Variants in CHRM3 observed in about 807,000 individuals in gnomAD.
The protein encoded by CHRM3 is cholinergic receptor muscarinic 3.
CHRM3 carries 11 observed loss-of-function variants against 41.8 expected under a neutral mutation model. The observed-to-expected ratio is 0.26, with a 90% CI of 0.17 to 0.44. The LOEUF (loss-of-function observed/expected upper bound fraction) is 0.44. CHRM3 is among the 20% of genes least tolerant of loss of function. The probability of loss-of-function intolerance (pLI) is 1.00; values close to 1 mark genes in which losing one functional copy is unlikely to be tolerated. For missense variants in CHRM3, 571 were observed against 745.4 expected, an observed-to-expected ratio of 0.77 and a Z score of 2.72; for synonymous variants, 297 against 301.4, an observed-to-expected ratio of 0.99 and a Z score of 0.15.
chr1:239,859,827 A>ATATATATATT, intron 6 of CHRM3, among the ~76,000 whole-genome samples: 1 of 39,166 alleles, frequency 2.6e-5, no homozygotes, highest in East Asian at 1.5e-3. Flanking sequence ...TTTTATATAT[A>ATATATATATT]TATATATATA....
chr1:239,468,717 A>G lies in CHRM3; in HGVS notation c.-520-23992A>G, dbSNP rs550541584. On this transcript the variant is annotated intron_variant, in intron 1 of 6. Coordinates refer to ENST00000676153, the MANE Select transcript of CHRM3 (RefSeq NM_001375978.1). ...TTCTCTTCAAATTTAATGTCATAAT[A>G]TGCTTTAAATGATTCATTTGTAATG... Among the ~76,000 whole-genome samples the G allele has an allele frequency of 2.6e-5, 4 of 152,340 alleles. No individual in the cohort carries two copies. The South Asian group carries it at 6.2e-4, about 24-fold the overall frequency.
At chr1:239,648,686 A>G (rs1200406420) in intron 4 of CHRM3, among the ~76,000 whole-genome samples, 1 of 152,178 alleles carries the variant, frequency 6.6e-6, no homozygotes, top group Non-Finnish European at 1.5e-5. Context: ...CAATTGATAG[A>G]TTGTTCACAG....
At chr1:239,902,168 A>C (rs10926011) in intron 6 of CHRM3, among the ~76,000 whole-genome samples, 72,212 of 151,872 alleles carry the variant, frequency 0.48, 17,785 homozygotes, top group African/African-American at 0.6. Context: ...TGTGTTTCTA[A>C]AGTAACAACA....
intron 3 of CHRM3, among the ~76,000 whole-genome samples, chr1:239,593,745 TG>T (rs1316139629): frequency 6.6e-6 from 1 of 152,230 alleles, no homozygotes; most frequent in African/African-American, 2.4e-5. Context: ...GTCATTAGCA[TG>T]CCTGACATAT....
At chr1:239,575,688 A>AT (rs375676242) in intron 3 of CHRM3, among the ~76,000 whole-genome samples, 60 of 152,092 alleles carry the variant, frequency 3.9e-4, no homozygotes, top group African/African-American at 1.3e-3. Context: ...AGTGACGGTC[A>AT]TGGGAAGTCA....
At chr1:239,552,167 A>G (rs1659893239) in intron 3 of CHRM3, among the ~76,000 whole-genome samples, 1 of 148,602 alleles carries the variant, frequency 6.7e-6, no homozygotes, top group Non-Finnish European at 1.5e-5. Context: ...TTATATTATG[A>G]TATATGTCAT....
At chr1:239,760,693 T>C (rs1666686714) in intron 5 of CHRM3, among the ~76,000 whole-genome samples, 1 of 152,228 alleles carries the variant, frequency 6.6e-6, no homozygotes, top group Non-Finnish European at 1.5e-5. Context: ...GCCGCTCTGC[T>C]CATGTGTGGT....
intron 5 of CHRM3, among the ~76,000 whole-genome samples, chr1:239,768,409 A>G (rs2148707133): frequency 6.6e-6 from 1 of 152,326 alleles, no homozygotes; most frequent in East Asian, 1.9e-4. Flanking sequence ...TTCATACTGG[A>G]GTTGGGAAGG....
At chr1:239,816,240 C>G (rs1043462625) in intron 5 of CHRM3, among the ~76,000 whole-genome samples, 1 of 152,154 alleles carries the variant, frequency 6.6e-6, no homozygotes, top group Non-Finnish European at 1.5e-5. Context: ...GCTGCCCCTC[C>G]CATGAGGCTG....
intron 1 of CHRM3, among the ~76,000 whole-genome samples, chr1:239,459,469 A>C (rs1367242510): frequency 6.6e-6 from 1 of 152,098 alleles, no homozygotes; most frequent in African/African-American, 2.4e-5. Flanking sequence ...TTTGCTTTCC[A>C]TATTAATATC....
intron 5 of CHRM3, among the ~76,000 whole-genome samples, chr1:239,744,041 C>A (rs1665126396): frequency 6.7e-6 from 1 of 148,558 alleles, no homozygotes; most frequent in African/African-American, 2.5e-5. Context: ...AACTCTTGGT[C>A]TCAAGAAATC....
intron 1 of CHRM3, among the ~76,000 whole-genome samples, chr1:239,461,835 G>T (rs1347309573): frequency 7.2e-5 from 11 of 151,732 alleles, no homozygotes; most frequent in Admixed American, 7.2e-4. Context: ...GGGACATGTT[G>T]GTTGGTTACA....
At chr1:239,864,335 C>T (rs60349470) in intron 6 of CHRM3, among the ~76,000 whole-genome samples, 4,000 of 152,126 alleles carry the variant, frequency 0.026, 181 homozygotes, top group African/African-American at 0.089. Context: ...GGAGAAACCC[C>T]GTCTCTATTA....
At chr1:239,551,042 C>T (rs1000472559) in intron 3 of CHRM3, among the ~76,000 whole-genome samples, 2 of 149,944 alleles carry the variant, frequency 1.3e-5, no homozygotes, top group African/African-American at 2.5e-5. Context: ...ATATAAAGCA[C>T]GTACATGCTA....
At chr1:239,518,353 C>T (rs533240005) in intron 2 of CHRM3, among the ~76,000 whole-genome samples, 9 of 152,218 alleles carry the variant, frequency 5.9e-5, no homozygotes, top group African/African-American at 1.7e-4. Context: ...TTCACTTAAC[C>T]CCGCTGCCAC....
chr1:239,738,415 T>G (rs929795854), intron 5 of CHRM3, among the ~76,000 whole-genome samples: 3 of 152,074 alleles, frequency 2.0e-5, no homozygotes, highest in African/African-American at 7.2e-5. Flanking sequence ...AACAGTCGGG[T>G]CATCAGGTGG....
At chr1:239,612,852 C>T (rs1667220447) in intron 3 of CHRM3, among the ~76,000 whole-genome samples, 1 of 152,126 alleles carries the variant, frequency 6.6e-6, no homozygotes, top group Non-Finnish European at 1.5e-5. Context: ...TCACACACTA[C>T]CACTGCTGGT....
chr1:239,452,231 C>CAA (rs1290986500), intron 1 of CHRM3, among the ~76,000 whole-genome samples: 1 of 152,070 alleles, frequency 6.6e-6, no homozygotes, highest in South Asian at 2.1e-4. Context: ...ACTCATGTAA[C>CAA]AAAAATCACC....
intron 6 of CHRM3, among the ~76,000 whole-genome samples, chr1:239,837,177 T>C (rs1673395705): frequency 6.6e-6 from 1 of 152,154 alleles, no homozygotes; most frequent in Admixed American, 6.6e-5. Context: ...TTTCTCACGA[T>C]GTGTGAGGCA....
Sources: allele counts gnomAD v4.1 joint callset (sites outside exome capture counted in the v4.1 genomes callset), GRCh38; gene constraint gnomAD v4.1.1; transcripts MANE v1.5; gene names NCBI Gene and HGNC (gene_info 2026-07-23, HGNC 2026-07-21).